FGF14: variants seen among roughly 807,000 people sequenced by gnomAD.
FGF14 encodes the protein fibroblast growth factor homologous factor 4.
In FGF14, 5 loss-of-function variants were observed where a neutral mutation model predicts 25.5. The observed-to-expected ratio is 0.20, with a 90% CI of 0.10 to 0.41. The LOEUF (loss-of-function observed/expected upper bound fraction) is 0.41, where lower values mean the gene tolerates loss of function less well. FGF14 is among the 10% of genes least tolerant of loss of function. The probability of loss-of-function intolerance (pLI) is 1.00; values close to 1 mark genes in which losing one functional copy is unlikely to be tolerated. For synonymous variants in FGF14, 138 were observed against 118.3 expected (o/e 1.17, Z -1.08); for missense variants, 222 against 320.1 (o/e 0.69, Z 2.34).
chr13:102,199,567 T>C (rs1192555633), intron 1 of FGF14, among the ~76,000 whole-genome samples: 1 of 152,192 alleles, frequency 6.6e-6, no homozygotes, highest in African/African-American at 2.4e-5. Context: ...CATTACAAAG[T>C]CTTTCCAAAG....
rs1159155105 is a variant in FGF14 at position 101,868,717 on chromosome 13, T to C, written c.408+8A>G. ...ACGAATGGCCGAGATCTTTGGCGTCTTACTTACTGATGGGTAGAGGTAACC... is the reference window on the plus strand; with the variant it reads ...ACGAATGGCCGAGATCTTTGGCGTCCTACTTACTGATGGGTAGAGGTAACC... On this transcript the variant is annotated splice_region_variant and intron_variant, in intron 3 of 4. Coordinates refer to ENST00000376143, the MANE Select transcript of FGF14 (RefSeq NM_004115.4). The C allele has an allele frequency of 3.9e-6, 6 of 1,542,978 alleles. No homozygotes were observed. Among genetic ancestry groups the C allele is most frequent in the Non-Finnish European group, 5.4e-6 (6 of 1,115,246 alleles).
In FGF14 at chr13:102,161,627, AGAAGAAGAAGAAGAAGAAG is replaced by A. The variant is rs2047706230; in HGVS notation, c.208+239825_208+239843del. Reference sequence around the variant, plus strand: ...AAGAAGAAGAAGAAGAAGAAGAAGAAGAAGAAGAAGAAGAAGAAGAAGAAGAAGAAGAAGAAGAAGAAGA... The same window carrying A: ...AAGAAGAAGAAGAAGAAGAAGAAGAAAAGAAGAAGAAGAAGAAGAAGAAGA... On this transcript the variant is annotated intron_variant, in intron 1 of 4. Coordinates refer to the FGF14 transcript ENST00000376131. Among the ~76,000 whole-genome samples, 9 of 20,846 alleles carry A rather than the reference AGAAGAAGAAGAAGAAGAAG, an allele frequency of 4.3e-4. 1 individual carries two copies. Among genetic ancestry groups the A allele is most frequent in the Non-Finnish European group, 5.9e-4 (8 of 13,486 alleles). The allele number at this position is 20,846 out of a possible 152,430, so 13.7% of individuals were successfully genotyped here. A position where few individuals can be genotyped will look rare whatever the true frequency, so the allele number is the denominator to read the frequency against.
intron 1 of FGF14, among the ~76,000 whole-genome samples, chr13:102,326,640 AAAGGGAGGAG>A (rs1394444454): frequency 7.1e-5 from 9 of 126,034 alleles, no homozygotes; most frequent in Non-Finnish European, 1.3e-4. Flanking sequence ...AAAGGGAGGG[AAAGGGAGGAG>A]AAGGGAGGGG....
intron 1 of FGF14, among the ~76,000 whole-genome samples, chr13:101,889,077 C>G (rs996539723): frequency 6.6e-6 from 1 of 152,082 alleles, no homozygotes; most frequent in Non-Finnish European, 1.5e-5. Context: ...CATCTACAAG[C>G]CAAGGAGAGA....
intron 1 of FGF14, among the ~76,000 whole-genome samples, chr13:101,930,220 C>T (rs1012344236): frequency 6.6e-6 from 1 of 151,998 alleles, no homozygotes; most frequent in Non-Finnish European, 1.5e-5. Flanking sequence ...ACAAAAACAA[C>T]AACAAAACAT....
At chr13:102,019,939 A>T (rs2040547499) in intron 1 of FGF14, among the ~76,000 whole-genome samples, 1 of 152,186 alleles carries the variant, frequency 6.6e-6, no homozygotes, top group Non-Finnish European at 1.5e-5. Context: ...CTCAAAACGA[A>T]AAAGTAATTT....
At chr13:101,874,349 T>C (rs1031942787) in intron 2 of FGF14, among the ~76,000 whole-genome samples, 3 of 152,164 alleles carry the variant, frequency 2.0e-5, no homozygotes, top group Non-Finnish European at 2.9e-5. Flanking sequence ...ATATCTATTT[T>C]TGATCCACCG....
intron 1 of FGF14, among the ~76,000 whole-genome samples, chr13:102,343,406 T>C (rs1305310290): frequency 6.6e-6 from 1 of 152,180 alleles, no homozygotes; most frequent in Non-Finnish European, 1.5e-5. Context: ...TTCTAGGCAC[T>C]GTGAGCTGCT....
chr13:102,212,416 C>T (rs1356704711), intron 1 of FGF14, among the ~76,000 whole-genome samples: 1 of 152,074 alleles, frequency 6.6e-6, no homozygotes, highest in Non-Finnish European at 1.5e-5. Flanking sequence ...CCTGAATCCC[C>T]CTGACCTCCA....
At chr13:102,390,695 G>A (rs1339323286) in intron 1 of FGF14, among the ~76,000 whole-genome samples, 1 of 152,190 alleles carries the variant, frequency 6.6e-6, no homozygotes, top group Non-Finnish European at 1.5e-5. Context: ...GATAGTATAG[G>A]TAGAGTGCCT....
intron 1 of FGF14, among the ~76,000 whole-genome samples, chr13:102,030,917 A>C (rs1184609049): frequency 6.6e-6 from 1 of 152,122 alleles, no homozygotes; most frequent in African/African-American, 2.4e-5. Context: ...CTGATCTTAC[A>C]GGGAAATATT....
At chr13:102,085,016 T>G (rs953427744) in intron 1 of FGF14, among the ~76,000 whole-genome samples, 4 of 152,208 alleles carry the variant, frequency 2.6e-5, no homozygotes, top group Admixed American at 6.5e-5. Flanking sequence ...TCCCTGAAAT[T>G]ATCTTAGGAA....
chr13:102,348,187 A>G (rs1566952865), intron 1 of FGF14, among the ~76,000 whole-genome samples: 2 of 152,206 alleles, frequency 1.3e-5, no homozygotes, highest in Admixed American at 1.3e-4. Flanking sequence ...AAAGGATCTA[A>G]AAGTCAGATA....
At chr13:101,780,188 G>C (rs1216973700) in intron 3 of FGF14, among the ~76,000 whole-genome samples, 3 of 152,084 alleles carry the variant, frequency 2.0e-5, no homozygotes, top group Non-Finnish European at 4.4e-5. Flanking sequence ...TTATTAATAA[G>C]GTTCCCCACT....
intron 1 of FGF14, among the ~76,000 whole-genome samples, chr13:101,941,752 A>C (rs1472608452): frequency 2.0e-5 from 3 of 152,220 alleles, no homozygotes; most frequent in Non-Finnish European, 4.4e-5. Flanking sequence ...ATTTCAAATA[A>C]ATTAAGGAAG....
intron 1 of FGF14, among the ~76,000 whole-genome samples, chr13:102,310,651 T>TTCTCTCTCTCTCTCTCCC (rs2055684758): frequency 2.2e-5 from 1 of 45,802 alleles, no homozygotes. Context: ...CTCTTCCCGT[T>TTCTCTCTCTCTCTCTCCC]TCTCTCTCTC....
intron 1 of FGF14, among the ~76,000 whole-genome samples, chr13:102,280,167 G>A (rs938406305): frequency 1.3e-5 from 2 of 152,126 alleles, no homozygotes; most frequent in Admixed American, 6.5e-5. Flanking sequence ...ACCACATGCT[G>A]CAGGAAAATA....
Position 101,836,856 on chromosome 13 carries a change from T to C in FGF14, c.408+31869A>G, listed in dbSNP as rs1439047607. Among the ~76,000 whole-genome samples the C allele has an allele frequency of 2.0e-5, 3 of 152,086 alleles. No homozygotes were observed. In the East Asian group the frequency reaches 5.8e-4, roughly 29 times the overall value. ...TCACCATTTTGATGCCACTGGAATT[T>C]GCATTTTATAGTTAATGTAATATGT... On this transcript the variant is annotated intron_variant, in intron 3 of 4. Transcript: ENST00000376143.
chr13:102,068,795 C>T (rs576645365), intron 1 of FGF14, among the ~76,000 whole-genome samples: 1 of 152,344 alleles, frequency 6.6e-6, no homozygotes, highest in African/African-American at 2.4e-5. Flanking sequence ...GCCTCCCCGA[C>T]GAGCACCACC....
Sources: allele counts gnomAD v4.1 joint callset (sites outside exome capture counted in the v4.1 genomes callset), GRCh38; gene constraint gnomAD v4.1.1; transcripts MANE v1.5; gene names NCBI Gene and HGNC (gene_info 2026-07-23, HGNC 2026-07-21).